The following MCPH1 variants were observed in gnomAD, a reference collection of about 807,000 sequenced individuals.
MCPH1 encodes microcephalin 1, also known as microcephalin.
MCPH1 carries 104 observed loss-of-function variants against 84.5 expected under a neutral mutation model. That is an observed-to-expected ratio of 1.23 (90% CI 1.05 to 1.45). The LOEUF is 1.45. Among genes scored for constraint, MCPH1 ranks in the 40% most tolerant of loss-of-function variants. The probability of loss-of-function intolerance (pLI) is 0.00; values close to 1 mark genes in which losing one functional copy is unlikely to be tolerated. For synonymous variants in MCPH1, 514 were observed against 366.8 expected (o/e 1.40, Z -4.58); for missense variants, 1,498 against 1,005.7 (o/e 1.49, Z -6.62).
chr8:6,592,708 G>T (rs549369512), intron 12 of MCPH1, among the ~76,000 whole-genome samples: 1 of 144,448 alleles, frequency 6.9e-6, no homozygotes, highest in Non-Finnish European at 1.5e-5. Flanking sequence ...AGGCTGAAGT[G>T]CAGTGGCGCT....
At chr8:6,641,131 C>T (rs555215921) in intron 13 of MCPH1, among the ~76,000 whole-genome samples, 8 of 152,092 alleles carry the variant, frequency 5.3e-5, no homozygotes, top group South Asian at 2.1e-4. Flanking sequence ...ATAAACATGT[C>T]GTTTTCTTTT....
At chr8:6,601,596 A>G (rs1366533129) in intron 12 of MCPH1, among the ~76,000 whole-genome samples, 1 of 149,028 alleles carries the variant, frequency 6.7e-6, no homozygotes, top group East Asian at 2.0e-4. Flanking sequence ...CCCACCAGAA[A>G]TACACACACC....
At chr8:6,553,198 C>A (rs774515388) in intron 12 of MCPH1, among the ~76,000 whole-genome samples, 1 of 151,958 alleles carries the variant, frequency 6.6e-6, no homozygotes, top group Non-Finnish European at 1.5e-5. Flanking sequence ...GTGTGTGCCA[C>A]GGAGGGGGGA....
chr8:6,440,131 T>C (rs562692244), intron 6 of MCPH1, among the ~76,000 whole-genome samples: 2 of 152,356 alleles, frequency 1.3e-5, no homozygotes, highest in Admixed American at 1.3e-4. Flanking sequence ...ATGCTCAAAG[T>C]AGTCTACAGT....
intron 9 of MCPH1, chr8:6,473,727 G>A (rs535046370): frequency 5.6e-5 from 28 of 498,946 alleles, no homozygotes; most frequent in Admixed American, 3.1e-4. Context: ...TATACTATCC[G>A]CCTGCTGGTC....
At chr8:6,573,991 A>T (rs1286598222) in intron 12 of MCPH1, among the ~76,000 whole-genome samples, 3 of 152,246 alleles carry the variant, frequency 2.0e-5, no homozygotes, top group African/African-American at 7.2e-5. Context: ...CACTTTCATC[A>T]TGGGTCTCAA....
chr8:6,482,356 A>G (rs1025148667), intron 11 of MCPH1, among the ~76,000 whole-genome samples: 5 of 152,216 alleles, frequency 3.3e-5, no homozygotes, highest in African/African-American at 1.2e-4. Flanking sequence ...CTATATATAT[A>G]GGGTTCAGAA....
chr8:6,473,226 C>G (rs535817967), intron 9 of MCPH1, among the ~76,000 whole-genome samples: 2 of 147,646 alleles, frequency 1.4e-5, no homozygotes, highest in East Asian at 4.0e-4. Flanking sequence ...TGCATTTTTT[C>G]TGTAATAAAC....
chr8:6,420,453 G>T (rs73516732), intron 3 of MCPH1, among the ~76,000 whole-genome samples: 1 of 152,074 alleles, frequency 6.6e-6, no homozygotes, highest in Non-Finnish European at 1.5e-5. Flanking sequence ...CTGAATTTGC[G>T]CTGTTATCTC....
At chr8:6,575,273 G>A (rs1301541241) in intron 12 of MCPH1, among the ~76,000 whole-genome samples, 1 of 152,200 alleles carries the variant, frequency 6.6e-6, no homozygotes, top group Non-Finnish European at 1.5e-5. Flanking sequence ...AACAGGTGAA[G>A]AAGAACAGCT....
At chr8:6,478,222 A>C (rs1401032230) in intron 10 of MCPH1, among the ~76,000 whole-genome samples, 1 of 152,214 alleles carries the variant, frequency 6.6e-6, no homozygotes, top group African/African-American at 2.4e-5. Context: ...CATTTCAGTG[A>C]AAAATATGCT....
At chr8:6,406,909 C>T in intron 1 of MCPH1, among the ~76,000 whole-genome samples, 1 of 108,700 alleles carries the variant, frequency 9.2e-6, no homozygotes. Context: ...CCCCAAAACC[C>T]CCGGCTGCCT....
chr8:6,415,921 T>G (rs1382006224), intron 3 of MCPH1, among the ~76,000 whole-genome samples: 4 of 152,202 alleles, frequency 2.6e-5, no homozygotes, highest in Admixed American at 6.5e-5. Flanking sequence ...ATATTTAATC[T>G]TTCAGTCCAT....
chr8:6,554,267 T>A (rs565575733), intron 12 of MCPH1, among the ~76,000 whole-genome samples: 1 of 149,638 alleles, frequency 6.7e-6, no homozygotes, highest in African/African-American at 2.5e-5. Flanking sequence ...TGTGACAAAA[T>A]TGAGAAATAG....
At chr8:6,590,177 G>T (rs955250595) in intron 12 of MCPH1, among the ~76,000 whole-genome samples, 5 of 148,358 alleles carry the variant, frequency 3.4e-5, no homozygotes, top group African/African-American at 1.3e-4. Context: ...CAAGAGCATG[G>T]AAGAGTGTTA....
chr8:6,597,347 A>G (rs751838157), intron 12 of MCPH1, among the ~76,000 whole-genome samples: 21 of 152,200 alleles, frequency 1.4e-4, no homozygotes, highest in Non-Finnish European at 2.6e-4. Context: ...TTTCGGCTTC[A>G]GGAAGACATT....
intron 12 of MCPH1, among the ~76,000 whole-genome samples, chr8:6,503,634 C>A (rs1335902604): frequency 2.6e-5 from 4 of 152,168 alleles, no homozygotes; most frequent in Non-Finnish European, 4.4e-5. Flanking sequence ...ACTTTGCAGT[C>A]CCAGCAACAT....
At chr8:6,469,379 A>C (rs776958348) in intron 9 of MCPH1, among the ~76,000 whole-genome samples, 51 of 152,212 alleles carry the variant, frequency 3.4e-4, no homozygotes, top group Non-Finnish European at 5.9e-4. Context: ...GTCTTTCTGA[A>C]GGTGCTTTAC....
intron 12 of MCPH1, chr8:6,508,816 C>T (rs1417988272): frequency 8.0e-6 from 11 of 1,383,390 alleles, no homozygotes; most frequent in African/African-American, 2.8e-5. Flanking sequence ...AGTGTGTCTA[C>T]GTATGAAATT....
Sources: allele counts gnomAD v4.1 joint callset (sites outside exome capture counted in the v4.1 genomes callset), GRCh38; gene constraint gnomAD v4.1.1; transcripts MANE v1.5; gene names NCBI Gene and HGNC (gene_info 2026-07-23, HGNC 2026-07-21).